The following CPPED1 variants were observed in gnomAD, a reference collection of about 807,000 sequenced individuals.
CPPED1 encodes the protein serine/threonine-protein phosphatase CPPED1.
A neutral mutation model predicts 28.0 loss-of-function variants in CPPED1; 28 were observed. The observed-to-expected ratio is 1.00, with a 90% CI of 0.74 to 1.37. The LOEUF (loss-of-function observed/expected upper bound fraction) is 1.37, where lower values mean the gene tolerates loss of function less well. Ranked by LOEUF, CPPED1 falls within the 40% of genes most tolerant of loss-of-function variation. The probability of loss-of-function intolerance (pLI) is 0.00; values close to 1 mark genes in which losing one functional copy is unlikely to be tolerated. For synonymous variants in CPPED1, 198 were observed against 180.2 expected (o/e 1.10, Z -0.79); for missense variants, 504 against 416.5 (o/e 1.21, Z -1.83).
At chr16:12,733,758 A>G (rs1215265616) in intron 2 of CPPED1, among the ~76,000 whole-genome samples, 1 of 152,232 alleles carries the variant, frequency 6.6e-6, no homozygotes, top group Non-Finnish European at 1.5e-5. Flanking sequence ...TATCCACAAA[A>G]TTAGCTCAAC....
chr16:12,768,915 C>G (rs8055595), intron 2 of CPPED1, among the ~76,000 whole-genome samples: 34,348 of 149,078 alleles, frequency 0.23, 4,208 homozygotes, highest in East Asian at 0.29. Context: ...GCCCAGGCTG[C>G]AGTGCAGTGG....
intron 2 of CPPED1, among the ~76,000 whole-genome samples, chr16:12,705,386 G>A (rs185087730): frequency 1.3e-5 from 2 of 152,288 alleles, no homozygotes; most frequent in Non-Finnish European, 2.9e-5. Context: ...ACTTGGGGAG[G>A]CTGAGGTGGG....
intron 2 of CPPED1, among the ~76,000 whole-genome samples, chr16:12,716,538 C>T (rs1228745204): frequency 6.6e-6 from 1 of 152,192 alleles, no homozygotes; most frequent in Admixed American, 6.5e-5. Context: ...TTTAAGATTC[C>T]ATGCTACAGT....
chr16:12,781,024 G>A (rs2080527212), intron 2 of CPPED1, 161 bp downstream of exon 2: 1 of 622,748 alleles, frequency 1.6e-6, no homozygotes, highest in South Asian at 1.9e-5. Context: ...ACATGAGTGT[G>A]CACTTTCTGA....
chr16:12,704,498 T>C (rs2080037131), intron 3 of CPPED1, 126 bp downstream of exon 3: 1 of 951,256 alleles, frequency 1.1e-6, no homozygotes, highest in African/African-American at 1.6e-5. Context: ...CAAGAGCTGG[T>C]ATCAGAACTC....
At position 12,669,168 on chromosome 16, in the gene CPPED1, A is replaced by C. The variant is rs141187632; in HGVS notation, c.716-4053T>G. Among the ~76,000 whole-genome samples the C allele has an allele frequency of 5.3e-5, 8 of 152,356 alleles. No homozygotes were observed. In the East Asian group the frequency reaches 1.5e-3, roughly 29 times the overall value. On this transcript the variant is annotated intron_variant, in intron 3 of 3. Transcript: ENST00000381774. Reference sequence around the variant, plus strand: ...AACCACGAAAAGGAATAAAGTGTTGATACAAGCTGCAATGTAGATGCACCT... The same window carrying C: ...AACCACGAAAAGGAATAAAGTGTTGCTACAAGCTGCAATGTAGATGCACCT...
chr16:12,715,541 C>T (rs4780472), intron 2 of CPPED1, among the ~76,000 whole-genome samples: 120,287 of 151,896 alleles, frequency 0.79, 47,948 homozygotes, highest in African/African-American at 0.88. Context: ...ACATCTGTAA[C>T]CCCAGCTACT....
At chr16:12,744,285 AGAGAGAG>A (rs1454586469) in intron 2 of CPPED1, among the ~76,000 whole-genome samples, 1 of 140,706 alleles carries the variant, frequency 7.1e-6, no homozygotes, top group African/African-American at 2.9e-5. Context: ...AGAGAGAGAG[AGAGAGAG>A]AGAGAAAGCA....
At chr16:12,756,023 C>T (rs920923093) in intron 2 of CPPED1, among the ~76,000 whole-genome samples, 1 of 151,618 alleles carries the variant, frequency 6.6e-6, no homozygotes, top group Non-Finnish European at 1.5e-5. Flanking sequence ...CCCAGCTACT[C>T]GGGAGGCTGA....
chr16:12,797,645 A>G (rs982255294), intron 1 of CPPED1, among the ~76,000 whole-genome samples: 1 of 152,232 alleles, frequency 6.6e-6, no homozygotes, highest in African/African-American at 2.4e-5. Context: ...CCTGGGCCAC[A>G]ACGGAAGAAC....
In CPPED1 at chr16:12,660,984, C is replaced by A. The variant is rs771538319; in HGVS notation, c.*3902G>T. The A allele has an allele frequency of 2.0e-5, 3 of 152,108 alleles. No homozygotes were observed. The highest frequency in any genetic ancestry group is 7.2e-5 in the African/African-American group (3 of 41,404). The allele number at this position is 152,108 out of a possible 1,614,324, so 9.4% of individuals were successfully genotyped here. Reference sequence around the variant, plus strand: ...AAATAAAAAATTAGATGTGGTGACACGAGCCTATAGTCCCAGCTAATTTGG... The same window carrying A: ...AAATAAAAAATTAGATGTGGTGACAAGAGCCTATAGTCCCAGCTAATTTGG... On this transcript the variant is annotated 3_prime_UTR_variant, in exon 4 of 4. Transcript: ENST00000381774.
At chr16:12,687,539 G>C (rs1317210642) in intron 3 of CPPED1, among the ~76,000 whole-genome samples, 1 of 152,168 alleles carries the variant, frequency 6.6e-6, no homozygotes, top group Non-Finnish European at 1.5e-5. Context: ...GGGAGGCTGA[G>C]GTGGGCAGAT....
chr16:12,707,990 T>C (rs560131404), intron 2 of CPPED1, among the ~76,000 whole-genome samples: 43 of 152,058 alleles, frequency 2.8e-4, no homozygotes, highest in African/African-American at 1.0e-3. Flanking sequence ...CTGCTAAAAA[T>C]AGAAAAATTA....
chr16:12,755,672 C>T (rs991305359), intron 2 of CPPED1, among the ~76,000 whole-genome samples: 1 of 152,174 alleles, frequency 6.6e-6, no homozygotes, highest in Admixed American at 6.5e-5. Flanking sequence ...AATACGCATA[C>T]AATAAAGTTA....
rs1442673365 is a variant in CPPED1, at chr16:12,664,566, TA to T, written c.*319del. Reference sequence around the variant, plus strand: ...CGATAGGCAGACTTTGACCATATGCTAACCAGAATACAATCCAATTCAAAAG... The same window carrying T: ...CGATAGGCAGACTTTGACCATATGCTACCAGAATACAATCCAATTCAAAAG... On this transcript the variant is annotated 3_prime_UTR_variant, in exon 4 of 4. Coordinates refer to ENST00000381774, the MANE Select transcript of CPPED1 (RefSeq NM_018340.3). The surrounding 1 kb of genome is among the most constrained non-coding windows in gnomAD (Gnocchi z 4.2). 4.4e-6 allele frequency: 5 copies of T among 1,143,116 alleles called. No individual in the cohort carries two copies. In the African/African-American group the frequency reaches 6.7e-5, roughly 15 times the overall value. 70.8% of individuals were successfully genotyped at this position (1,143,116 alleles called of 1,614,324 possible).
chr16:12,683,100 T>C (rs2079914232), intron 3 of CPPED1, among the ~76,000 whole-genome samples: 1 of 152,204 alleles, frequency 6.6e-6, no homozygotes, highest in Non-Finnish European at 1.5e-5. Flanking sequence ...AGGGAGAAAG[T>C]GCCCTGCCTC....
chr16:12,686,138 T>C (rs2079931658), intron 3 of CPPED1, among the ~76,000 whole-genome samples: 1 of 152,222 alleles, frequency 6.6e-6, no homozygotes, highest in Non-Finnish European at 1.5e-5. Context: ...CAGATGCTAT[T>C]GATACTATCC....
intron 2 of CPPED1, among the ~76,000 whole-genome samples, chr16:12,707,299 A>G (rs2080056622): frequency 6.6e-6 from 1 of 152,134 alleles, no homozygotes; most frequent in Non-Finnish European, 1.5e-5. Context: ...ATATTCAATC[A>G]CTGACAATAC....
chr16:12,760,023 A>T (rs918167564), intron 2 of CPPED1, among the ~76,000 whole-genome samples: 1 of 152,216 alleles, frequency 6.6e-6, no homozygotes, highest in Non-Finnish European at 1.5e-5. Context: ...CATCCTTCCA[A>T]TGGCAGCTGT....
Sources: gnomAD v4.1 joint callset for allele counts (sites outside exome capture counted in the v4.1 genomes callset) on GRCh38, gnomAD v4.1.1 for gene constraint, Gnocchi (gnomAD v3.1) non-coding constraint, MANE v1.5 for transcripts, NCBI Gene and HGNC (gene_info 2026-07-23, HGNC 2026-07-21) for gene names.